Variants in CHN2 observed in about 807,000 individuals in gnomAD.
CHN2 encodes the protein chimerin 2, also known as beta-chimaerin.
In CHN2, 35 loss-of-function variants were observed where a neutral mutation model predicts 56.3. The observed-to-expected ratio is 0.62, with a 90% CI of 0.47 to 0.82. The LOEUF is 0.82. Among genes scored for constraint, CHN2 ranks in the 40% least tolerant of loss-of-function variants. The pLI is 0.00. For missense variants in CHN2, 491 were observed against 580.5 expected, an observed-to-expected ratio of 0.85 and a Z score of 1.58; for synonymous variants, 210 against 212.8, an observed-to-expected ratio of 0.99 and a Z score of 0.12.
intron 6 of CHN2, among the ~76,000 whole-genome samples, chr7:29,463,041 C>T (rs11979211): frequency 0.12 from 17,704 of 151,508 alleles, 1,094 homozygotes; most frequent in South Asian, 0.2. Flanking sequence ...TTAGAAAACC[C>T]CGCATCCCCA....
chr7:29,458,945 A>G (rs1156295350), intron 6 of CHN2, among the ~76,000 whole-genome samples: 1 of 152,232 alleles, frequency 6.6e-6, no homozygotes, highest in Admixed American at 6.5e-5. Context: ...AATGCCCAGA[A>G]GATGAAATTC....
In CHN2 at chr7:29,495,970, C is replaced by T; in HGVS notation, c.673C>T (p.Pro225Ser). ...ATCACAGGTCCACACGTTCCGAGGCCCACACTGGTGTGAATATTGTGCCAA... is the reference window on the plus strand; with the variant it reads ...ATCACAGGTCCACACGTTCCGAGGCTCACACTGGTGTGAATATTGTGCCAA... ...HNFKVHTFRG[P>S]HWCEYCANFM... Residue 225 changes from proline to serine, a missense_variant, in exon 8 of 13, where the codon CCA (proline) becomes TCA (serine). Transcript: ENST00000222792. The T allele has an allele frequency of 6.2e-7, 1 of 1,613,244 alleles. No individual in the cohort carries two copies. Among genetic ancestry groups the T allele is most frequent in the Non-Finnish European group, 8.5e-7 (1 of 1,179,662 alleles).
At chr7:29,152,394 C>T (rs992430532) in intron 2 of CHN2, among the ~76,000 whole-genome samples, 12 of 152,156 alleles carry the variant, frequency 7.9e-5, no homozygotes, top group African/African-American at 2.9e-4. Context: ...AAGCCAGTCC[C>T]CAGGTCTCTT....
At chr7:29,331,667 A>G (rs888567301) in intron 1 of CHN2, among the ~76,000 whole-genome samples, 1 of 152,282 alleles carries the variant, frequency 6.6e-6, no homozygotes, top group Non-Finnish European at 1.5e-5. Flanking sequence ...TTCCCTTCAA[A>G]ATCGGGAGAT....
At chr7:29,352,629 A>G (rs1797975229) in intron 1 of CHN2, among the ~76,000 whole-genome samples, 1 of 152,132 alleles carries the variant, frequency 6.6e-6, no homozygotes, top group Non-Finnish European at 1.5e-5. Flanking sequence ...AGGCTGAGGC[A>G]GGAGAATTGC....
intron 2 of CHN2, among the ~76,000 whole-genome samples, chr7:29,170,236 G>A (rs2128723711): frequency 6.6e-6 from 1 of 152,242 alleles, no homozygotes; most frequent in South Asian, 2.1e-4. Context: ...TGGTGATACT[G>A]ATGAAACTCT....
At chr7:29,445,966 T>C (rs908971437) in intron 6 of CHN2, among the ~76,000 whole-genome samples, 3 of 151,656 alleles carry the variant, frequency 2.0e-5, no homozygotes, top group African/African-American at 7.3e-5. Flanking sequence ...CTCGTGCAGC[T>C]CTCTTGAAAG....
intron 1 of CHN2, among the ~76,000 whole-genome samples, chr7:29,316,093 T>G (rs1197279609): frequency 1.3e-5 from 2 of 152,202 alleles, no homozygotes; most frequent in African/African-American, 4.8e-5. Context: ...AGCTGTCAAA[T>G]GGACAGGTTG....
intron 2 of CHN2, among the ~76,000 whole-genome samples, chr7:29,155,119 G>C (rs1396361481): frequency 1.3e-5 from 2 of 152,058 alleles, no homozygotes; most frequent in Non-Finnish European, 2.9e-5. Flanking sequence ...CCTCCCACCA[G>C]GTCCCTCCCA....
chr7:29,439,193 T>C (rs1783450591), intron 6 of CHN2, among the ~76,000 whole-genome samples: 1 of 152,236 alleles, frequency 6.6e-6, no homozygotes, highest in Non-Finnish European at 1.5e-5. Flanking sequence ...TGTGTCATGA[T>C]ATTGTCATCA....
At chr7:29,223,231 C>T (rs1785936993) in intron 1 of CHN2, among the ~76,000 whole-genome samples, 1 of 152,150 alleles carries the variant, frequency 6.6e-6, no homozygotes, top group South Asian at 2.1e-4. Flanking sequence ...TTTTTGGTGA[C>T]TTGGAGAAAA....
At chr7:29,216,134 C>T (rs1307301089) in intron 1 of CHN2, among the ~76,000 whole-genome samples, 1 of 151,948 alleles carries the variant, frequency 6.6e-6, no homozygotes, top group Non-Finnish European at 1.5e-5. Context: ...AGATTTTCCT[C>T]AAAATTAAAA....
chr7:29,264,009 G>A (rs1323708178), intron 1 of CHN2, among the ~76,000 whole-genome samples: 6 of 147,560 alleles, frequency 4.1e-5, no homozygotes, highest in Non-Finnish European at 7.5e-5. Context: ...CCCCATCCGG[G>A]AGCTGGGGGG....
chr7:29,231,087 G>A (rs537376095), intron 1 of CHN2, among the ~76,000 whole-genome samples: 221 of 152,184 alleles, frequency 1.5e-3, no homozygotes, highest in Non-Finnish European at 2.5e-3. Flanking sequence ...AGCCTGGCGG[G>A]AGGACACGAA....
At chr7:29,439,025 G>GA (rs1297742456) in intron 6 of CHN2, among the ~76,000 whole-genome samples, 1 of 152,194 alleles carries the variant, frequency 6.6e-6, no homozygotes, top group African/African-American at 2.4e-5. Flanking sequence ...GAGGGCTAAT[G>GA]AATGTGACAT....
At chr7:29,240,035 C>T (rs1487230386) in intron 1 of CHN2, among the ~76,000 whole-genome samples, 1 of 152,230 alleles carries the variant, frequency 6.6e-6, no homozygotes, top group Admixed American at 6.5e-5. Flanking sequence ...GGGGCCAGAT[C>T]CAGCCCGCAG....
chr7:29,435,078 C>T (rs1783124037), intron 6 of CHN2, among the ~76,000 whole-genome samples: 2 of 152,160 alleles, frequency 1.3e-5, no homozygotes, highest in Middle Eastern at 3.4e-3. Context: ...GGCAACAGAG[C>T]GAGACCCTGT....
intron 6 of CHN2, among the ~76,000 whole-genome samples, chr7:29,449,254 T>TG (rs1199044506): frequency 6.6e-6 from 1 of 152,072 alleles, no homozygotes; most frequent in Non-Finnish European, 1.5e-5. Flanking sequence ...GGAATTAAGG[T>TG]GAGTGTCTGA....
At chr7:29,410,850 A>G (rs1803139140) in intron 6 of CHN2, among the ~76,000 whole-genome samples, 2 of 152,154 alleles carry the variant, frequency 1.3e-5, no homozygotes, top group Non-Finnish European at 2.9e-5. Context: ...TTAAAGAATG[A>G]CTGTTACATA....
Sources: allele counts gnomAD v4.1 joint callset (sites outside exome capture counted in the v4.1 genomes callset), GRCh38; gene constraint gnomAD v4.1.1; transcripts MANE v1.5; gene names NCBI Gene and HGNC (gene_info 2026-07-23, HGNC 2026-07-21).